Variants in HS6ST3 observed in about 807,000 individuals in gnomAD.
The protein encoded by HS6ST3 is heparan sulfate 6-O-sulfotransferase 3.
A neutral mutation model predicts 36.7 loss-of-function variants in HS6ST3; 12 were observed. That is an observed-to-expected ratio of 0.33 (90% CI 0.21 to 0.53). The LOEUF is 0.53. Among genes scored for constraint, HS6ST3 ranks in the 20% least tolerant of loss-of-function variants. HS6ST3 has a pLI of 0.95. For missense variants in HS6ST3, 584 were observed against 640.9 expected (o/e 0.91, Z 0.96); for synonymous variants, 240 against 257.5 (o/e 0.93, Z 0.65).
chr13:96,261,469 G>A (rs534891576), intron 1 of HS6ST3, among the ~76,000 whole-genome samples: 2 of 152,222 alleles, frequency 1.3e-5, no homozygotes, highest in South Asian at 4.1e-4. Flanking sequence ...CTTTTAAAAT[G>A]TTAGTAAACA....
At chr13:96,659,326 C>A (rs1462157364) in intron 1 of HS6ST3, among the ~76,000 whole-genome samples, 1 of 152,088 alleles carries the variant, frequency 6.6e-6, no homozygotes, top group East Asian at 1.9e-4. Context: ...AGAGTGTCTT[C>A]AAATCTTTTG....
At chr13:96,524,770 C>T in intron 1 of HS6ST3, among the ~76,000 whole-genome samples, 1 of 152,204 alleles carries the variant, frequency 6.6e-6, no homozygotes. Context: ...TCAGGGCTTC[C>T]CTTGGCTAGG....
At chr13:96,765,675 A>G (rs1227379371) in intron 1 of HS6ST3, among the ~76,000 whole-genome samples, 1 of 150,666 alleles carries the variant, frequency 6.6e-6, no homozygotes, top group East Asian at 2.0e-4. Context: ...TACCTCTCTT[A>G]TATTCACCTT....
chr13:96,193,545 T>TCTGA, intron 1 of HS6ST3, among the ~76,000 whole-genome samples: 1 of 152,134 alleles, frequency 6.6e-6, no homozygotes, highest in Non-Finnish European at 1.5e-5. Flanking sequence ...AGCGATCAAT[T>TCTGA]TAAACAGGTC....
chr13:96,693,076 T>C (rs974154734), intron 1 of HS6ST3, among the ~76,000 whole-genome samples: 1 of 152,202 alleles, frequency 6.6e-6, no homozygotes, highest in African/African-American at 2.4e-5. Context: ...ACTTTCATTT[T>C]ACTTCTCTAA....
At chr13:96,674,810 T>C (rs1002440179) in intron 1 of HS6ST3, among the ~76,000 whole-genome samples, 3 of 152,168 alleles carry the variant, frequency 2.0e-5, no homozygotes, top group African/African-American at 7.2e-5. Flanking sequence ...CATACACTTA[T>C]GTTTCAGCTC....
chr13:96,524,731 G>A (rs550136986), intron 1 of HS6ST3, among the ~76,000 whole-genome samples: 36 of 152,210 alleles, frequency 2.4e-4, no homozygotes, highest in Non-Finnish European at 4.3e-4. Context: ...ATTTGGGCAG[G>A]AGTGTACCGT....
intron 1 of HS6ST3, among the ~76,000 whole-genome samples, chr13:96,392,691 T>A (rs186883750): frequency 1.3e-5 from 2 of 152,250 alleles, no homozygotes; most frequent in African/African-American, 4.8e-5. Context: ...AGTGGCACAT[T>A]TAAAGAAGTG....
intron 1 of HS6ST3, among the ~76,000 whole-genome samples, chr13:96,507,686 CT>C (rs2056032120): frequency 6.6e-6 from 1 of 151,890 alleles, no homozygotes; most frequent in Admixed American, 6.6e-5. Context: ...TATTATCTCT[CT>C]AAAAAGGCTA....
chr13:96,319,402 G>A (rs2054992558), intron 1 of HS6ST3, among the ~76,000 whole-genome samples: 1 of 152,124 alleles, frequency 6.6e-6, no homozygotes, highest in East Asian at 1.9e-4. Context: ...TCAGCTCATG[G>A]ACATTTGGGT....
intron 1 of HS6ST3, among the ~76,000 whole-genome samples, chr13:96,172,945 C>T (rs1172706311): frequency 6.6e-6 from 1 of 152,204 alleles, no homozygotes; most frequent in Non-Finnish European, 1.5e-5. Context: ...CAGTACTCTT[C>T]ATTCAAGCAT....
chr13:96,533,589 G>A (rs1019668667), intron 1 of HS6ST3, among the ~76,000 whole-genome samples: 2 of 152,120 alleles, frequency 1.3e-5, no homozygotes, highest in Non-Finnish European at 2.9e-5. Context: ...ATCAACGGGG[G>A]CAGATCAGCA....
chr13:96,535,593 T>C (rs1357480788), intron 1 of HS6ST3, among the ~76,000 whole-genome samples: 1 of 149,122 alleles, frequency 6.7e-6, no homozygotes, highest in East Asian at 2.0e-4. Flanking sequence ...AATCTTGAAA[T>C]CTAGGTAGGG....
At chr13:96,228,834 C>A (rs1395838066) in intron 1 of HS6ST3, among the ~76,000 whole-genome samples, 2 of 152,080 alleles carry the variant, frequency 1.3e-5, no homozygotes, top group East Asian at 3.9e-4. Flanking sequence ...AAGGCTAAAA[C>A]AAAAACCATA....
chr13:96,166,575 C>CTTTTTTTTTTTTTTTTT (rs765190619), intron 1 of HS6ST3, among the ~76,000 whole-genome samples: 8 of 131,584 alleles, frequency 6.1e-5, no homozygotes, highest in East Asian at 2.2e-4. Context: ...TTCTTTCTTT[C>CTTTTTTTTTTTTTTTTT]TTTTTTTTTT....
intron 1 of HS6ST3, among the ~76,000 whole-genome samples, chr13:96,831,728 G>A (rs953377365): frequency 6.6e-5 from 10 of 152,092 alleles, no homozygotes; most frequent in Admixed American, 3.9e-4. Flanking sequence ...GCCAAGGCAG[G>A]TGGATCAGTT....
chr13:96,356,315 C>T (rs1418333578), intron 1 of HS6ST3, among the ~76,000 whole-genome samples: 2 of 152,120 alleles, frequency 1.3e-5, no homozygotes, highest in Non-Finnish European at 2.9e-5. Flanking sequence ...ATGATGAACT[C>T]TTTCCAGAAA....
intron 1 of HS6ST3, among the ~76,000 whole-genome samples, chr13:96,258,800 T>C (rs554935928): frequency 6.6e-6 from 1 of 152,326 alleles, no homozygotes; most frequent in South Asian, 2.1e-4. Context: ...AATTATTATA[T>C]GTCAGTTACT....
intron 1 of HS6ST3, among the ~76,000 whole-genome samples, chr13:96,484,661 G>T (rs2055905553): frequency 6.6e-6 from 1 of 152,146 alleles, no homozygotes; most frequent in Admixed American, 6.6e-5. Context: ...CATTTATGGT[G>T]TGGCCGTTGG....
Sources: allele counts gnomAD v4.1 joint callset (sites outside exome capture counted in the v4.1 genomes callset), GRCh38; gene constraint gnomAD v4.1.1; transcripts MANE v1.5; gene names NCBI Gene and HGNC (gene_info 2026-07-23, HGNC 2026-07-21).